ATAD2B: variants seen among roughly 807,000 people sequenced by gnomAD.
ATAD2B encodes the protein ATPase family AAA domain-containing protein 2B.
In ATAD2B, 40 loss-of-function variants were observed where a neutral mutation model predicts 167.6. That is an observed-to-expected ratio of 0.24 (90% confidence interval 0.19 to 0.31). ATAD2B has a LOEUF of 0.31. ATAD2B is among the 10% of genes least tolerant of loss of function. The probability of loss-of-function intolerance (pLI) is 1.00; values close to 1 mark genes in which losing one functional copy is unlikely to be tolerated. For synonymous variants in ATAD2B, 579 were observed against 596.5 expected, an observed-to-expected ratio of 0.97 and a Z score of 0.43; for missense variants, 1,242 against 1,757.2, an observed-to-expected ratio of 0.71 and a Z score of 5.24.
intron 10 of ATAD2B, among the ~76,000 whole-genome samples, chr2:23,867,368 A>T (rs527614484): frequency 1.4e-4 from 22 of 152,280 alleles, no homozygotes; most frequent in African/African-American, 5.3e-4. Context: ...TCTGAATTCA[A>T]TCCTCAATTC....
intron 13 of ATAD2B, among the ~76,000 whole-genome samples, chr2:23,852,712 C>T (rs1031361850): frequency 4.0e-5 from 6 of 151,880 alleles, no homozygotes; most frequent in African/African-American, 9.7e-5. Flanking sequence ...TGAGGTCAGG[C>T]GTTCAAGACA....
chr2:23,773,102 T>C lies in ATAD2B; in HGVS notation c.3134-7474A>G, dbSNP rs112444008. 1.6e-3 allele frequency among the ~76,000 whole-genome samples: 249 copies of C among 152,346 alleles called. 2 individuals are homozygous for C. Among genetic ancestry groups the C allele is most frequent in the African/African-American group, 5.7e-3 (238 of 41,586 alleles). On this transcript the variant is annotated intron_variant, in intron 22 of 27. Coordinates refer to ENST00000238789, the MANE Select transcript of ATAD2B (RefSeq NM_017552.4). ...TCTTTTCAATCATTGTTTAGAAGAT[T>C]GTCTAAGATTATACATAGCATATAA...
At chr2:23,683,166 G>A in the ATAD2B span, among the ~76,000 whole-genome samples, 5 of 152,230 alleles carry the variant, frequency 3.3e-5, no homozygotes, top group Admixed American at 6.5e-5. Context: ...GCGGGCAGCC[G>A]GCCCTGGCCC....
chr2:23,768,576 A>G lies in ATAD2B; in HGVS notation c.3134-2948T>C, dbSNP rs1677806645. Among the ~76,000 whole-genome samples the G allele has an allele frequency of 2.0e-5, 3 of 151,916 alleles. No homozygotes were observed. In the South Asian group the frequency reaches 6.2e-4, roughly 32 times the overall value. On this transcript the variant is annotated intron_variant, in intron 22 of 27. Coordinates refer to ENST00000238789, the MANE Select transcript of ATAD2B (RefSeq NM_017552.4). ...AACAAAGCAAGATCCTGTCTCCAAAAAAAAAAAAAGACAATGAGCATATCT... is the reference window on the plus strand; with the variant it reads ...AACAAAGCAAGATCCTGTCTCCAAAGAAAAAAAAAGACAATGAGCATATCT...
chr2:23,803,628 C>CTGCCA (rs1382977164), intron 18 of ATAD2B, among the ~76,000 whole-genome samples: 1 of 152,150 alleles, frequency 6.6e-6, no homozygotes, highest in African/African-American at 2.4e-5. Context: ...GACACTAACT[C>CTGCCA]TGCCATTTTT....
chr2:23,723,607 T>A, the ATAD2B span, among the ~76,000 whole-genome samples: 1 of 151,658 alleles, frequency 6.6e-6, no homozygotes, highest in Admixed American at 6.6e-5. Flanking sequence ...CTCAGGAAAA[T>A]ACAAATCAAA....
chr2:23,917,098 A>G (rs1558799761), intron 1 of ATAD2B, among the ~76,000 whole-genome samples: 1 of 152,246 alleles, frequency 6.6e-6, no homozygotes, highest in Non-Finnish European at 1.5e-5. Context: ...ATGATTTTGC[A>G]ACTCAAAAAG....
intron 1 of ATAD2B, among the ~76,000 whole-genome samples, chr2:23,920,756 T>TC (rs540199565): frequency 9.2e-5 from 14 of 151,860 alleles, no homozygotes; most frequent in Middle Eastern, 6.3e-3. Flanking sequence ...CATACATGAT[T>TC]CCCCCCCAAC....
intron 1 of ATAD2B, among the ~76,000 whole-genome samples, chr2:23,914,684 CA>C (rs369920549): frequency 1.3e-5 from 2 of 151,034 alleles, no homozygotes; most frequent in African/African-American, 4.9e-5. Context: ...CTAAAAATAC[CA>C]AAAAAAATTA....
In ATAD2B at chr2:23,899,303, C is replaced by CAAAA. The variant is rs556774553; in HGVS notation, c.217-3337_217-3334dup. On this transcript the variant is annotated intron_variant, in intron 1 of 27. Transcript: ENST00000238789. ...TGGGCGAAAGAGCAAGACCCCATCT[C>CAAAA]AAAAAAAAAAAAAAAAAAGCCACAA... 6.3e-3 allele frequency among the ~76,000 whole-genome samples: 425 copies of CAAAA among 67,320 alleles called. 6 individuals are homozygous for CAAAA. The highest frequency in any genetic ancestry group is 0.017 in the Middle Eastern group (2 of 118). The allele number at this position is 67,320 out of a possible 152,430, so 44.2% of individuals were successfully genotyped here. A position where few individuals can be genotyped will look rare whatever the true frequency, so the allele number is the denominator to read the frequency against.
intron 4 of ATAD2B, among the ~76,000 whole-genome samples, chr2:23,886,678 T>C (rs1698701485): frequency 6.6e-6 from 1 of 152,186 alleles, no homozygotes; most frequent in South Asian, 2.1e-4. Flanking sequence ...ACGCCTGTAA[T>C]CCTAGCACTT....
intron 1 of ATAD2B, among the ~76,000 whole-genome samples, chr2:23,923,198 TACA>T (rs1011959089): frequency 3.0e-4 from 46 of 152,308 alleles, no homozygotes; most frequent in Admixed American, 2.7e-3. Context: ...TCCTGCCATT[TACA>T]ACAACACAGA....
intron 2 of ATAD2B, among the ~76,000 whole-genome samples, chr2:23,894,950 T>C (rs375015381): frequency 1.2e-3 from 176 of 152,276 alleles, no homozygotes; most frequent in African/African-American, 4.0e-3. Context: ...ACGCAGCCTG[T>C]CAAAGTCTAT....
At chr2:23,691,449 C>A in the ATAD2B span, 1 of 589,806 alleles carries the variant, frequency 1.7e-6, no homozygotes, top group South Asian at 2.0e-5. Context: ...CATGGACATG[C>A]CGAGTAGTGA....
At chr2:23,768,670 CCAAG>C (rs1361061549) in intron 22 of ATAD2B, among the ~76,000 whole-genome samples, 1 of 151,962 alleles carries the variant, frequency 6.6e-6, no homozygotes, top group Non-Finnish European at 1.5e-5. Flanking sequence ...CCCTCTATTC[CCAAG>C]CAATGAAGGA....
At chr2:23,772,452 C>G (rs1269953722) in intron 22 of ATAD2B, among the ~76,000 whole-genome samples, 2 of 152,100 alleles carry the variant, frequency 1.3e-5, no homozygotes, top group Non-Finnish European at 1.5e-5. Context: ...CCACAGCTTT[C>G]CACCACTGGC....
At chr2:23,861,883 G>T (rs746777582) in intron 12 of ATAD2B, among the ~76,000 whole-genome samples, 2 of 152,142 alleles carry the variant, frequency 1.3e-5, no homozygotes, top group Non-Finnish European at 2.9e-5. Context: ...AAATCTAGCA[G>T]TTTTTGATAC....
At chr2:23,909,469 CAT>C (rs200951836) in intron 1 of ATAD2B, among the ~76,000 whole-genome samples, 18 of 151,204 alleles carry the variant, frequency 1.2e-4, no homozygotes, top group Admixed American at 3.3e-4. Context: ...CACACACATA[CAT>C]ATATATATAC....
At chr2:23,703,279 C>T in the ATAD2B span, 22 of 1,549,328 alleles carry the variant, frequency 1.4e-5, no homozygotes, top group Admixed American at 1.2e-4. Context: ...GCAAGATCTA[C>T]GTGTTTGGTG....
Sources: gnomAD v4.1 joint callset for allele counts (sites outside exome capture counted in the v4.1 genomes callset) on GRCh38, gnomAD v4.1.1 for gene constraint, MANE v1.5 for transcripts, NCBI Gene and HGNC (gene_info 2026-07-23, HGNC 2026-07-21) for gene names.